CAMK2D: variants seen among roughly 807,000 people sequenced by gnomAD.
The protein encoded by CAMK2D is calcium/calmodulin dependent protein kinase II delta.
Under a neutral mutation model 84.0 loss-of-function variants are expected in CAMK2D, and 37 were observed. That is an observed-to-expected ratio of 0.44 (90% confidence interval 0.34 to 0.58). The LOEUF (loss-of-function observed/expected upper bound fraction) is 0.58. Among genes scored for constraint, CAMK2D ranks in the 20% least tolerant of loss-of-function variants. The pLI, the probability that CAMK2D is intolerant of heterozygous loss-of-function variation, is 0.02. For synonymous variants in CAMK2D, 202 were observed against 212.5 expected, an observed-to-expected ratio of 0.95 and a Z score of 0.43; for missense variants, 448 against 652.5, an observed-to-expected ratio of 0.69 and a Z score of 3.41.
chr4:113,499,495 T>C (rs1590217505), intron 16 of CAMK2D, among the ~76,000 whole-genome samples: 1 of 152,208 alleles, frequency 6.6e-6, no homozygotes, highest in African/African-American at 2.4e-5. Flanking sequence ...ACCTGAGAAT[T>C]TCCAAATCCT....
At chr4:113,754,942 C>A in intron 2 of CAMK2D, 1 of 984,346 alleles carries the variant, frequency 1.0e-6, no homozygotes, top group Non-Finnish European at 1.2e-6. Flanking sequence ...TGCCAAGAAA[C>A]CTTCAAATTT....
chr4:113,639,705 G>A (rs547769136), intron 3 of CAMK2D, among the ~76,000 whole-genome samples: 1 of 152,144 alleles, frequency 6.6e-6, no homozygotes, highest in African/African-American at 2.4e-5. Flanking sequence ...AATGTAAGTG[G>A]AAAAGTACCA....
At chr4:113,663,803 A>C (rs923641964) in intron 2 of CAMK2D, among the ~76,000 whole-genome samples, 1 of 151,908 alleles carries the variant, frequency 6.6e-6, no homozygotes, top group African/African-American at 2.4e-5. Flanking sequence ...AGTAAGTTCT[A>C]CAGAGTTTTT....
At chr4:113,497,795 T>C (rs2097959924) in intron 16 of CAMK2D, among the ~76,000 whole-genome samples, 2 of 152,268 alleles carry the variant, frequency 1.3e-5, no homozygotes, top group Non-Finnish European at 2.9e-5. Context: ...CATAAAACAA[T>C]GTAAGTCTAG....
chr4:113,637,569 T>G (rs752850279), intron 3 of CAMK2D, among the ~76,000 whole-genome samples: 13 of 152,192 alleles, frequency 8.5e-5, no homozygotes, highest in Non-Finnish European at 1.3e-4. Context: ...GGAAGCTAAA[T>G]GCAATCTTTT....
intron 16 of CAMK2D, among the ~76,000 whole-genome samples, chr4:113,469,700 C>G (rs770334223): frequency 5.3e-5 from 8 of 152,182 alleles, no homozygotes; most frequent in Admixed American, 1.3e-4. Flanking sequence ...ACTTCCACCA[C>G]TACAAGCCTG....
chr4:113,511,688 T>C (rs1179671756), intron 12 of CAMK2D, among the ~76,000 whole-genome samples: 2 of 152,208 alleles, frequency 1.3e-5, no homozygotes, highest in Non-Finnish European at 2.9e-5. Context: ...ATGTCAACTA[T>C]ATTAATCAAT....
intron 2 of CAMK2D, among the ~76,000 whole-genome samples, chr4:113,728,365 A>G (rs2099552389): frequency 6.6e-6 from 1 of 152,182 alleles, no homozygotes; most frequent in Admixed American, 6.6e-5. Context: ...TCCAAAAATT[A>G]TGATTGTTCT....
chr4:113,564,509 T>G (rs1331311039), intron 4 of CAMK2D, among the ~76,000 whole-genome samples: 1 of 152,000 alleles, frequency 6.6e-6, no homozygotes, highest in Non-Finnish European at 1.5e-5. Flanking sequence ...TGATTTAAAT[T>G]TCACACCGAG....
At chr4:113,702,829 G>T (rs1418112156) in intron 2 of CAMK2D, among the ~76,000 whole-genome samples, 3 of 152,132 alleles carry the variant, frequency 2.0e-5, no homozygotes, top group Non-Finnish European at 4.4e-5. Context: ...AACCCAGGAG[G>T]CAGAGGCTAC....
intron 3 of CAMK2D, among the ~76,000 whole-genome samples, chr4:113,650,898 C>G (rs17046357): frequency 0.05 from 7,639 of 152,234 alleles, 621 homozygotes; most frequent in African/African-American, 0.17. Context: ...TCCTACACTT[C>G]AAAATAATGC....
At position 113,497,542 on chromosome 4, in the gene CAMK2D, C is replaced by T. The variant is rs188726845; in HGVS notation, c.1135+2921G>A. Reference sequence around the variant, plus strand: ...TTATCTTTCTTTGAGAACAGCTGGCCTTGTCTGCCTTTTCCCATTCAAAGA... The same window carrying T: ...TTATCTTTCTTTGAGAACAGCTGGCTTTGTCTGCCTTTTCCCATTCAAAGA... On this transcript the variant is annotated intron_variant, in intron 16 of 20. Coordinates refer to ENST00000511664, the MANE Select transcript of CAMK2D (RefSeq NM_001321571.2). Among the ~76,000 whole-genome samples the T allele has an allele frequency of 3.9e-5, 6 of 152,328 alleles. No homozygotes were observed. The East Asian group carries it at 1.2e-3, about 29-fold the overall frequency.
intron 4 of CAMK2D, among the ~76,000 whole-genome samples, chr4:113,562,397 A>T (rs1266135554): frequency 6.6e-6 from 1 of 152,198 alleles, no homozygotes; most frequent in East Asian, 1.9e-4. Flanking sequence ...GATTGAGGTA[A>T]GTCTAGATCA....
At chr4:113,517,737 T>A in intron 8 of CAMK2D, 80 bp from the exon 9 acceptor site, 1 of 697,192 alleles carries the variant, frequency 1.4e-6, no homozygotes, top group Non-Finnish European at 2.6e-6. Flanking sequence ...ACAATGATAT[T>A]AAGCCGTAGT....
At position 113,452,469 on chromosome 4, in the gene CAMK2D, C is replaced by T. The variant is rs1483469979; in HGVS notation, c.*2076G>A. ...TTAAATATATCAATCAGTCCTTTAC[C>T]ATTATGGCAAGAAATATATACAGTG... On this transcript the variant is annotated 3_prime_UTR_variant, in exon 21 of 21. Transcript: ENST00000511664. The T allele has an allele frequency of 1.3e-5, 2 of 152,508 alleles. No homozygotes were observed. The highest frequency in any genetic ancestry group is 4.8e-5 in the African/African-American group (2 of 41,394). 9.4% of individuals were successfully genotyped at this position (152,508 alleles called of 1,614,324 possible).
At chr4:113,567,148 CT>C (rs891727101) in intron 4 of CAMK2D, among the ~76,000 whole-genome samples, 3 of 147,306 alleles carry the variant, frequency 2.0e-5, no homozygotes, top group Admixed American at 7.2e-5. Context: ...CAACTGAGAT[CT>C]TTTTTTTCTT....
intron 16 of CAMK2D, among the ~76,000 whole-genome samples, chr4:113,483,729 A>G (rs555116554): frequency 6.6e-6 from 1 of 152,106 alleles, no homozygotes; most frequent in South Asian, 2.1e-4. Context: ...TAATGCACAT[A>G]TTATTTCTTG....
intron 3 of CAMK2D, among the ~76,000 whole-genome samples, chr4:113,647,654 C>T (rs2099157179): frequency 6.6e-6 from 1 of 152,214 alleles, no homozygotes; most frequent in South Asian, 2.1e-4. Flanking sequence ...TGTCAAATGT[C>T]TCCGGAAGGA....
chr4:113,533,159 A>C (rs148653751), intron 7 of CAMK2D, among the ~76,000 whole-genome samples: 2 of 152,164 alleles, frequency 1.3e-5, no homozygotes, highest in African/African-American at 4.8e-5. Context: ...TTTAAAATAT[A>C]AATTATTACA....
Sources: allele counts gnomAD v4.1 joint callset (sites outside exome capture counted in the v4.1 genomes callset), GRCh38; gene constraint gnomAD v4.1.1; transcripts MANE v1.5; gene names NCBI Gene and HGNC (gene_info 2026-07-23, HGNC 2026-07-21).